Variants in VAT1L observed in about 807,000 individuals in gnomAD.
VAT1L encodes the protein vesicle amine transport 1 like.
VAT1L carries 34 observed loss-of-function variants against 44.1 expected under a neutral mutation model. That is an observed-to-expected ratio of 0.77 (90% CI 0.59 to 1.03). The LOEUF is 1.03. VAT1L is among the 50% of genes least tolerant of loss of function. The pLI is 0.00. For missense variants in VAT1L, 615 were observed against 538.8 expected (o/e 1.14, Z -1.40); for synonymous variants, 253 against 202.2 (o/e 1.25, Z -2.13).
Position 77,829,427 on chromosome 16 carries a change from T to A in VAT1L, c.579+3966T>A, listed in dbSNP as rs1362292526. Among the ~76,000 whole-genome samples, 4 of 152,212 alleles carry A rather than the reference T, an allele frequency of 2.6e-5. No individual in the cohort carries two copies. The East Asian group carries it at 7.7e-4, about 29-fold the overall frequency. On this transcript the variant is annotated intron_variant, in intron 3 of 8. Coordinates refer to ENST00000302536, the MANE Select transcript of VAT1L (RefSeq NM_020927.3). ...GAATTTGCAGACAGCATGTGAGGAA[T>A]ACCAAACTTAGCTATGGTTTTAAGG...
intron 4 of VAT1L, among the ~76,000 whole-genome samples, chr16:77,874,770 C>A (rs1200630430): frequency 7.1e-6 from 1 of 140,474 alleles, no homozygotes; most frequent in African/African-American, 2.6e-5. Context: ...GAGGAGAAAG[C>A]AATATACTAC....
chr16:77,970,184 T>A (rs990353323), intron 7 of VAT1L, among the ~76,000 whole-genome samples: 7 of 152,058 alleles, frequency 4.6e-5, no homozygotes, highest in Non-Finnish European at 7.3e-5. Flanking sequence ...TGCAGTGATC[T>A]GTGATTGTAC....
chr16:77,971,985 G>A (rs1415568792), intron 8 of VAT1L, 52 bp downstream of exon 8: 1 of 1,557,262 alleles, frequency 6.4e-7, no homozygotes, highest in Non-Finnish European at 8.7e-7. Context: ...GAGCACCACG[G>A]GTCAATCAGA....
intron 7 of VAT1L, among the ~76,000 whole-genome samples, chr16:77,910,491 T>A (rs1472929862): frequency 6.6e-6 from 1 of 151,684 alleles, no homozygotes. Context: ...GCTAACACGG[T>A]GAAACCCCGT....
At chr16:77,866,179 T>C (rs1343504642) in intron 4 of VAT1L, among the ~76,000 whole-genome samples, 1 of 152,236 alleles carries the variant, frequency 6.6e-6, no homozygotes, top group Non-Finnish European at 1.5e-5. Flanking sequence ...AGGCTGCCTG[T>C]TGCAGAGCCA....
intron 7 of VAT1L, among the ~76,000 whole-genome samples, chr16:77,916,416 C>T (rs993306787): frequency 2.6e-5 from 4 of 152,116 alleles, no homozygotes; most frequent in African/African-American, 7.2e-5. Flanking sequence ...TTGTCTTCTC[C>T]GCTTTTGTAA....
At chr16:77,903,468 T>A (rs4888694) in intron 7 of VAT1L, among the ~76,000 whole-genome samples, 11,248 of 152,168 alleles carry the variant, frequency 0.074, 491 homozygotes, top group East Asian at 0.2. Context: ...ACACCTATAA[T>A]AGATACTAAA....
At chr16:77,952,317 A>G (rs1030132137) in intron 7 of VAT1L, among the ~76,000 whole-genome samples, 5 of 152,158 alleles carry the variant, frequency 3.3e-5, no homozygotes, top group Admixed American at 3.3e-4. Context: ...TCATGGTGAA[A>G]TGTAATCCCC....
intron 6 of VAT1L, among the ~76,000 whole-genome samples, chr16:77,880,317 C>T (rs536327653): frequency 6.6e-6 from 1 of 152,138 alleles, no homozygotes; most frequent in East Asian, 1.9e-4. Flanking sequence ...CCACTATACC[C>T]AGCGAATTTA....
intron 8 of VAT1L, among the ~76,000 whole-genome samples, chr16:77,976,685 C>G (rs185655585): frequency 2.0e-5 from 3 of 152,242 alleles, no homozygotes; most frequent in African/African-American, 7.2e-5. Context: ...ATATGCTCAG[C>G]CCTTTGCTAG....
At chr16:77,830,299 A>G (rs145977840) in intron 3 of VAT1L, among the ~76,000 whole-genome samples, 2 of 152,242 alleles carry the variant, frequency 1.3e-5, no homozygotes, top group Admixed American at 6.5e-5. Flanking sequence ...CCCAATTCAG[A>G]TGTAAGCTCC....
chr16:77,941,589 G>A (rs2017884190), intron 7 of VAT1L, among the ~76,000 whole-genome samples: 1 of 152,108 alleles, frequency 6.6e-6, no homozygotes, highest in Non-Finnish European at 1.5e-5. Context: ...TTGAGAAATT[G>A]CCACACTGCC....
intron 1 of VAT1L, among the ~76,000 whole-genome samples, chr16:77,791,870 T>C (rs2015842000): frequency 6.6e-6 from 1 of 152,192 alleles, no homozygotes; most frequent in Admixed American, 6.5e-5. Context: ...GTCTAAATTG[T>C]TTTTTAAAAT....
chr16:77,878,884 T>C (rs376833550), intron 5 of VAT1L, among the ~76,000 whole-genome samples: 4 of 152,150 alleles, frequency 2.6e-5, no homozygotes, highest in South Asian at 4.1e-4. Context: ...ACTCATCATT[T>C]TATTCAAACG....
chr16:77,876,298 A>G (rs1295823013), intron 4 of VAT1L, 72 bp from the exon 5 acceptor site: 10 of 1,332,290 alleles, frequency 7.5e-6, no homozygotes, highest in Non-Finnish European at 1.1e-5. Context: ...AATATGACAC[A>G]GGAAAGGAAA....
At chr16:77,808,446 T>A (rs1267696437) in intron 1 of VAT1L, among the ~76,000 whole-genome samples, 2 of 152,156 alleles carry the variant, frequency 1.3e-5, no homozygotes, top group Non-Finnish European at 2.9e-5. Flanking sequence ...AAATGTCATG[T>A]GCTTGAATCA....
chr16:77,789,282 C>A (rs915686101), intron 1 of VAT1L, among the ~76,000 whole-genome samples: 1 of 152,166 alleles, frequency 6.6e-6, no homozygotes, highest in East Asian at 1.9e-4. Context: ...GTATTAAGAA[C>A]CGCAAGCCCA....
chr16:77,852,505 C>T (rs2016817917), intron 3 of VAT1L, among the ~76,000 whole-genome samples: 2 of 152,218 alleles, frequency 1.3e-5, no homozygotes, highest in African/African-American at 2.4e-5. Context: ...AATAAGGCCC[C>T]TTGCATTTAA....
intron 7 of VAT1L, among the ~76,000 whole-genome samples, chr16:77,909,254 A>T (rs1227321076): frequency 1.3e-5 from 2 of 152,222 alleles, no homozygotes; most frequent in Non-Finnish European, 2.9e-5. Context: ...TTTGAAAATT[A>T]GGTGATGATA....
Sources: allele counts gnomAD v4.1 joint callset (sites outside exome capture counted in the v4.1 genomes callset), GRCh38; gene constraint gnomAD v4.1.1; transcripts MANE v1.5; gene names NCBI Gene and HGNC (gene_info 2026-07-23, HGNC 2026-07-21).